The following RPA3 variants were observed in gnomAD, a reference collection of about 807,000 sequenced individuals.
RPA3 encodes the protein replication protein A3.
RPA3 carries 24 observed loss-of-function variants against 13.7 expected under a neutral mutation model. That is an observed-to-expected ratio of 1.75 (90% CI 1.27 to 2.46). The LOEUF (loss-of-function observed/expected upper bound fraction) is 2.46. Among genes scored for constraint, RPA3 ranks in the 30% most tolerant of loss-of-function variants. The pLI, the probability that RPA3 is intolerant of heterozygous loss-of-function variation, is 0.00. For missense variants in RPA3, 183 were observed against 151.0 expected (o/e 1.21, Z -1.11); for synonymous variants, 59 against 51.2 (o/e 1.15, Z -0.65).
chr7:7,701,761 C>T (rs1780469714), intron 2 of RPA3, among the ~76,000 whole-genome samples: 1 of 152,142 alleles, frequency 6.6e-6, no homozygotes, highest in Non-Finnish European at 1.5e-5. Flanking sequence ...CAGGTTTCTG[C>T]AGCTGTGGGT....
At chr7:7,665,499 T>C (rs1005056033) in intron 4 of RPA3, among the ~76,000 whole-genome samples, 2 of 152,248 alleles carry the variant, frequency 1.3e-5, no homozygotes, top group Non-Finnish European at 2.9e-5. Context: ...ATGTGACATC[T>C]AATTGTGTCA....
chr7:7,643,502 G>A (rs1372428952), intron 4 of RPA3, among the ~76,000 whole-genome samples: 1 of 152,192 alleles, frequency 6.6e-6, no homozygotes, highest in Non-Finnish European at 1.5e-5. Flanking sequence ...CCTCAGATCA[G>A]AAGTTCAAGA....
chr7:7,718,189 C>T (rs1259956243), intron 1 of RPA3, among the ~76,000 whole-genome samples: 1 of 152,078 alleles, frequency 6.6e-6, no homozygotes, highest in Non-Finnish European at 1.5e-5. Flanking sequence ...GTGATTTTTC[C>T]AAATAATGTG....
At chr7:7,686,037 C>G (rs779806778) in intron 3 of RPA3, 39 bp from the exon 4 acceptor site, 4 of 152,206 alleles carry the variant, frequency 2.6e-5, no homozygotes, top group Non-Finnish European at 5.9e-5. Context: ...GCCAGAGAAT[C>G]AGCATTTTAA....
chr7:7,689,174 TG>T (rs1479635971), intron 2 of RPA3, among the ~76,000 whole-genome samples: 5 of 152,108 alleles, frequency 3.3e-5, no homozygotes, highest in Non-Finnish European at 7.4e-5. Flanking sequence ...GGCTTAGGAA[TG>T]GGCACCCATC....
chr7:7,653,700 T>C (rs1007840061), intron 4 of RPA3, among the ~76,000 whole-genome samples: 1 of 152,210 alleles, frequency 6.6e-6, no homozygotes, highest in African/African-American at 2.4e-5. Flanking sequence ...TGTCTTTACC[T>C]AGAGAGTGCT....
Position 7,672,097 on chromosome 7 carries a change from C to G in RPA3, c.-758+13733G>C, listed in dbSNP as rs545682004. Reference sequence around the variant, plus strand: ...ATTTTCAGTTGCTAGAAGGCTTTCACTCACATTAAATCCTCACCCTCCCTT... The same window carrying G: ...ATTTTCAGTTGCTAGAAGGCTTTCAGTCACATTAAATCCTCACCCTCCCTT... On this transcript the variant is annotated intron_variant, in intron 4 of 7. Coordinates refer to ENST00000223129, the MANE Select transcript of RPA3 (RefSeq NM_002947.5). 1.1e-4 allele frequency among the ~76,000 whole-genome samples: 17 copies of G among 152,304 alleles called. No individual in the cohort carries two copies. In the South Asian group the frequency reaches 3.5e-3, roughly 32 times the overall value.
chr7:7,656,338 T>G (rs1342811526), intron 4 of RPA3, among the ~76,000 whole-genome samples: 1 of 152,172 alleles, frequency 6.6e-6, no homozygotes, highest in African/African-American at 2.4e-5. Flanking sequence ...TTATTATACT[T>G]AAAGTTCTGG....
chr7:7,710,239 T>A (rs1390915255), intron 2 of RPA3, among the ~76,000 whole-genome samples: 1 of 152,142 alleles, frequency 6.6e-6, no homozygotes, highest in African/African-American at 2.4e-5. Context: ...GTGCTGTTAC[T>A]GAACATTAGT....
Position 7,639,246 on chromosome 7 carries a change from T to C in RPA3, c.100-102A>G, listed in dbSNP as rs1019722198. ...AGTTGAGCACAAATCAACTGTTTCT[T>C]GAACAGTTTATTCATTCAGTTTATT... On this transcript the variant is annotated intron_variant, in intron 5 of 7. Transcript: ENST00000223129. The C allele has an allele frequency of 6.6e-6, 5 of 763,192 alleles. No homozygotes were observed. The African/African-American group carries it at 8.9e-5, about 14-fold the overall frequency. The allele number at this position is 763,192 out of a possible 1,614,324, so 47.3% of individuals were successfully genotyped here.
chr7:7,716,035 A>G (rs1413529480), intron 1 of RPA3, among the ~76,000 whole-genome samples: 1 of 152,252 alleles, frequency 6.6e-6, no homozygotes, highest in African/African-American at 2.4e-5. Flanking sequence ...AGAAACTAAT[A>G]TATGTCAGGC....
intron 4 of RPA3, among the ~76,000 whole-genome samples, chr7:7,669,753 G>A (rs999705264): frequency 2.0e-5 from 3 of 152,294 alleles, no homozygotes; most frequent in Middle Eastern, 3.4e-3. Flanking sequence ...TGATAGACAC[G>A]AGGGTGACTG....
chr7:7,637,605 A>ATTGTATGTAATACATACAATT (rs1053640912), intron 7 of RPA3, among the ~76,000 whole-genome samples: 3 of 151,946 alleles, frequency 2.0e-5, no homozygotes, highest in East Asian at 1.9e-4. Flanking sequence ...ATGTTATGTA[A>ATTGTATGTAATACATACAATT]TTGTATGTAA....
At chr7:7,701,449 C>A (rs556015185) in intron 2 of RPA3, among the ~76,000 whole-genome samples, 1 of 152,186 alleles carries the variant, frequency 6.6e-6, no homozygotes, top group Admixed American at 6.5e-5. Context: ...TGCTCAACTT[C>A]ATTTGCCATC....
intron 2 of RPA3, among the ~76,000 whole-genome samples, chr7:7,714,943 AAACAACAAC>A (rs920648661): frequency 7.9e-5 from 12 of 151,418 alleles, no homozygotes; most frequent in African/African-American, 2.7e-4. Flanking sequence ...CACTAGAATT[AAACAACAAC>A]AACAACAACA....
chr7:7,714,755 C>G (rs1780851158), intron 2 of RPA3, among the ~76,000 whole-genome samples: 1 of 151,786 alleles, frequency 6.6e-6, no homozygotes, highest in African/African-American at 2.4e-5. Flanking sequence ...AAGCAAGTAA[C>G]AGGTTGGAAG....
At chr7:7,695,888 A>G (rs1407761878) in intron 2 of RPA3, among the ~76,000 whole-genome samples, 2 of 152,018 alleles carry the variant, frequency 1.3e-5, no homozygotes, top group Non-Finnish European at 2.9e-5. Flanking sequence ...GGTTGGATTT[A>G]GTATCCAACC....
intron 4 of RPA3, among the ~76,000 whole-genome samples, chr7:7,675,930 G>A (rs1051511233): frequency 6.6e-6 from 1 of 152,084 alleles, no homozygotes; most frequent in Non-Finnish European, 1.5e-5. Context: ...TTCCCCCCAG[G>A]TGCAAAGCTC....
chr7:7,648,548 A>G (rs1200567493), intron 4 of RPA3, among the ~76,000 whole-genome samples: 1 of 152,170 alleles, frequency 6.6e-6, no homozygotes, highest in Non-Finnish European at 1.5e-5. Flanking sequence ...CAGACTGGGT[A>G]ATTTATAAAG....
Sources: gnomAD v4.1 joint callset for allele counts (sites outside exome capture counted in the v4.1 genomes callset) on GRCh38, gnomAD v4.1.1 for gene constraint, MANE v1.5 for transcripts, NCBI Gene and HGNC (gene_info 2026-07-23, HGNC 2026-07-21) for gene names.